Variants in GRM4 observed in about 807,000 individuals in gnomAD.
GRM4 encodes the protein metabotropic glutamate receptor 4.
A neutral mutation model predicts 81.7 loss-of-function variants in GRM4; 28 were observed. The observed-to-expected ratio is 0.34, with a 90% CI of 0.25 to 0.47. The LOEUF is 0.47. Ranked by LOEUF, GRM4 falls within the 20% of genes least tolerant of loss-of-function variation. GRM4 has a pLI of 1.00. For missense variants in GRM4, 948 were observed against 1,290.0 expected (o/e 0.73, Z 4.06); for synonymous variants, 488 against 528.8 (o/e 0.92, Z 1.06).
chr6:34,068,159 G>T lies in GRM4; in HGVS notation c.737-6131C>A, dbSNP rs928415338. Reference sequence around the variant, plus strand: ...CAGCATGACGTGCTGGAGGGAGACGGGGGGGCTGCATCCCCTCAGCCCACC... The same window carrying T: ...CAGCATGACGTGCTGGAGGGAGACGTGGGGGCTGCATCCCCTCAGCCCACC... On this transcript the variant is annotated intron_variant, in intron 3 of 10. Coordinates refer to ENST00000538487, the MANE Select transcript of GRM4 (RefSeq NM_000841.4). This position sits in a 1 kb window ranked among gnomAD's most constrained non-coding sequence, Gnocchi z 4.2. 6.6e-6 allele frequency among the ~76,000 whole-genome samples: 1 copy of T among 152,180 alleles called. No individual in the cohort carries two copies. Among genetic ancestry groups the T allele is most frequent in the Non-Finnish European group, 1.5e-5 (1 of 68,034 alleles).
At chr6:34,066,040 T>C (rs567266464) in intron 3 of GRM4, among the ~76,000 whole-genome samples, 1 of 152,266 alleles carries the variant, frequency 6.6e-6, no homozygotes, top group South Asian at 2.1e-4. Flanking sequence ...AACCGACTTA[T>C]GCTTGGCCCC....
In GRM4 at chr6:34,080,293, C is replaced by A. The variant is rs1012187378; in HGVS notation, c.736+11590G>T. Among the ~76,000 whole-genome samples the A allele has an allele frequency of 6.6e-6, 1 of 152,228 alleles. No individual in the cohort carries two copies. The highest frequency in any genetic ancestry group is 1.5e-5 in the Non-Finnish European group (1 of 68,040). Reference sequence around the variant, plus strand: ...TCCCTTACTTGCCCCTCTCTGTCCACTTACACTGCTTTGTTCCTCTTCAGA... The same window carrying A: ...TCCCTTACTTGCCCCTCTCTGTCCAATTACACTGCTTTGTTCCTCTTCAGA... On this transcript the variant is annotated intron_variant, in intron 3 of 10. Coordinates refer to ENST00000538487, the MANE Select transcript of GRM4 (RefSeq NM_000841.4). This position sits in a 1 kb window ranked among gnomAD's most constrained non-coding sequence, Gnocchi z 5.4.
rs1770329014 is a variant in GRM4, at chr6:34,133,401, T to G, written c.96A>C (p.Gly32=). The part of the protein sequence containing the change: ...LYGPWMPSSL[G]KPKGHPHMNS... Reference sequence around the variant, plus strand: ...TCATGTGAGGGTGGCCTTTGGGCTTTCCCAGGGAGGAAGGCATCCAGGGGC... The same window carrying G: ...TCATGTGAGGGTGGCCTTTGGGCTTGCCCAGGGAGGAAGGCATCCAGGGGC... The change falls in exon 2 of 11, where the codon GGA becomes GGC. Residue 32 remains glycine, a synonymous_variant. Coordinates refer to ENST00000538487, the MANE Select transcript of GRM4 (RefSeq NM_000841.4). This position sits in a 1 kb window ranked among gnomAD's most constrained non-coding sequence, Gnocchi z 6.5. The G allele has an allele frequency of 3.7e-6, 6 of 1,613,404 alleles. No homozygotes were observed. The African/African-American group carries it at 6.7e-5, about 18-fold the overall frequency.
chr6:34,100,687 TG>T (rs1468155351), intron 2 of GRM4, among the ~76,000 whole-genome samples: 2 of 152,254 alleles, frequency 1.3e-5, no homozygotes, highest in African/African-American at 2.4e-5. Context: ...GAGCTAATGC[TG>T]GGTGCTGGGC....
intron 3 of GRM4, among the ~76,000 whole-genome samples, chr6:34,077,655 C>G (rs1204006824): frequency 6.6e-6 from 1 of 152,122 alleles, no homozygotes; most frequent in African/African-American, 2.4e-5. Context: ...TCTCCCACCC[C>G]CAACTCTAAC....
intron 1 of GRM4, among the ~76,000 whole-genome samples, chr6:34,151,918 T>C (rs1010833591): frequency 3.9e-5 from 6 of 152,144 alleles, no homozygotes; most frequent in African/African-American, 1.4e-4. Context: ...AGTCCCAATG[T>C]GGCAGGCCAC....
chr6:34,102,015 T>C (rs1160142005), intron 2 of GRM4: 1 of 1,535,544 alleles, frequency 6.5e-7, no homozygotes, highest in South Asian at 1.2e-5. Context: ...CTCACCAGGA[T>C]CCTTACCTGT....
At chr6:34,079,729 C>T (rs1481918190) in intron 3 of GRM4, among the ~76,000 whole-genome samples, 1 of 152,146 alleles carries the variant, frequency 6.6e-6, no homozygotes, top group Non-Finnish European at 1.5e-5. Flanking sequence ...GCCCCGCAAC[C>T]CCTCATCCTC....
At chr6:34,082,045 C>A (rs1261150353) in intron 3 of GRM4, among the ~76,000 whole-genome samples, 1 of 151,418 alleles carries the variant, frequency 6.6e-6, no homozygotes, top group Non-Finnish European at 1.5e-5. Context: ...CGGGACAGAT[C>A]CCTGTCCAAT....
chr6:34,032,089 GCACTCACACATCTGCA>G (rs1408643695), intron 9 of GRM4, among the ~76,000 whole-genome samples: 2 of 151,828 alleles, frequency 1.3e-5, no homozygotes, highest in African/African-American at 2.4e-5. Context: ...ACTAACATTT[GCACTCACACATCTGCA>G]CACTTGTGTG....
Position 34,115,663 on chromosome 6 carries a change from C to G in GRM4, c.519+17315G>C, listed in dbSNP as rs944578595. 1.5e-4 allele frequency among the ~76,000 whole-genome samples: 23 copies of G among 152,198 alleles called. No individual in the cohort carries two copies. The highest frequency in any genetic ancestry group is 5.5e-4 in the African/African-American group (23 of 41,444). ...CTTCCCAAAGGGGCCCTGGGACAAGCCTTGCTGGGTTTTGGGCCCAACTCC... is the reference window on the plus strand; with the variant it reads ...CTTCCCAAAGGGGCCCTGGGACAAGGCTTGCTGGGTTTTGGGCCCAACTCC... On this transcript the variant is annotated intron_variant, in intron 2 of 10. Transcript: ENST00000538487. The surrounding 1 kb of genome is among the most constrained non-coding windows in gnomAD (Gnocchi z 4.1).
chr6:34,135,395 T>G (rs567857530), intron 1 of GRM4, among the ~76,000 whole-genome samples: 1 of 152,294 alleles, frequency 6.6e-6, no homozygotes, highest in East Asian at 1.9e-4. Flanking sequence ...CTACTAATTC[T>G]CCCTGGCCCC....
At chr6:34,098,189 C>G (rs1218573230) in intron 2 of GRM4, among the ~76,000 whole-genome samples, 1 of 152,180 alleles carries the variant, frequency 6.6e-6, no homozygotes, top group Non-Finnish European at 1.5e-5. Context: ...GCATGGGGGC[C>G]CTGGGCAAAT....
chr6:34,059,135 G>C lies in GRM4; in HGVS notation c.873-7C>G. 6.2e-7 allele frequency: 1 copy of C among 1,613,166 alleles called. No individual in the cohort carries two copies. Among genetic ancestry groups the C allele is most frequent in the Non-Finnish European group, 8.5e-7 (1 of 1,179,826 alleles). The stretch of plus-strand genomic sequence containing the variant: ...TGCTGCCTCCAGCACACGCCTGTAG[G>C]AACATACACCAGCCCAGCCCAGCCG... On this transcript the variant is annotated splice_polypyrimidine_tract_variant and splice_region_variant and intron_variant, in intron 4 of 10. Transcript: ENST00000538487. The surrounding 1 kb of genome is among the most constrained non-coding windows in gnomAD (Gnocchi z 5.7).
At chr6:34,146,320 C>T (rs1007684504), upstream of GRM4, among the ~76,000 whole-genome samples, 7 of 152,204 alleles carry the variant, frequency 4.6e-5, no homozygotes, top group East Asian at 5.8e-4. Flanking sequence ...CCCCTTACCA[C>T]CTCAAAACCC....
At chr6:34,051,368 T>C (rs534694986) in intron 6 of GRM4, among the ~76,000 whole-genome samples, 59 of 152,326 alleles carry the variant, frequency 3.9e-4, no homozygotes, top group African/African-American at 1.3e-3. Flanking sequence ...GTGATTATGT[T>C]TTCACTATTA....
At chr6:34,113,360 C>T (rs1042048951) in intron 2 of GRM4, among the ~76,000 whole-genome samples, 1 of 152,136 alleles carries the variant, frequency 6.6e-6, no homozygotes, top group African/African-American at 2.4e-5. Flanking sequence ...CTATGTTGCC[C>T]AGGCTGGTCT....
intron 2 of GRM4, among the ~76,000 whole-genome samples, chr6:34,102,610 A>G (rs1261718343): frequency 6.6e-6 from 1 of 151,858 alleles, no homozygotes; most frequent in African/African-American, 2.4e-5. Flanking sequence ...CTCTGCTTTG[A>G]TTTTCTGCAC....
At chr6:34,125,567 G>A (rs11970077) in intron 2 of GRM4, among the ~76,000 whole-genome samples, 3,006 of 152,362 alleles carry the variant, frequency 0.02, 76 homozygotes, top group African/African-American at 0.06. Context: ...AGGCTTGAGA[G>A]CAACTAGAGC....
Sources: allele counts gnomAD v4.1 joint callset (sites outside exome capture counted in the v4.1 genomes callset), GRCh38; gene constraint gnomAD v4.1.1; non-coding constraint Gnocchi (gnomAD v3.1); transcripts MANE v1.5; gene names NCBI Gene and HGNC (gene_info 2026-07-23, HGNC 2026-07-21).